The following FRK variants were observed in gnomAD, a reference collection of about 807,000 sequenced individuals.
The protein encoded by FRK is tyrosine-protein kinase FRK.
In FRK, 51 loss-of-function variants were observed where a neutral mutation model predicts 56.4. That is an observed-to-expected ratio of 0.90 (90% CI 0.72 to 1.14). The LOEUF is 1.14. FRK is among the 50% of genes most tolerant of loss of function. The probability of loss-of-function intolerance (pLI) is 0.00; values close to 1 mark genes in which losing one functional copy is unlikely to be tolerated. For missense variants in FRK, 570 were observed against 601.4 expected, an observed-to-expected ratio of 0.95 and a Z score of 0.55; for synonymous variants, 245 against 217.9, an observed-to-expected ratio of 1.12 and a Z score of -1.10.
At chr6:115,979,570 ATATT>A (rs1188983989) in intron 2 of FRK, among the ~76,000 whole-genome samples, 1 of 152,128 alleles carries the variant, frequency 6.6e-6, no homozygotes, top group Non-Finnish European at 1.5e-5. Flanking sequence ...TAACTGTACA[ATATT>A]TATCATAAAG....
chr6:116,058,638 C>A (rs1287791957), intron 1 of FRK, among the ~76,000 whole-genome samples: 1 of 151,962 alleles, frequency 6.6e-6, no homozygotes, highest in Non-Finnish European at 1.5e-5. Flanking sequence ...TGGCCGGGCG[C>A]GGTGGCTCAC....
At chr6:115,959,834 G>A (rs1278031447) in intron 4 of FRK, among the ~76,000 whole-genome samples, 1 of 152,112 alleles carries the variant, frequency 6.6e-6, no homozygotes, top group Non-Finnish European at 1.5e-5. Context: ...GCAGAGCCAG[G>A]TTTAAACACA....
the FRK span, among the ~76,000 whole-genome samples, chr6:116,099,167 C>T: frequency 6.6e-6 from 1 of 152,170 alleles, no homozygotes; most frequent in Non-Finnish European, 1.5e-5. Flanking sequence ...TCTCCCCTTA[C>T]CCCAAGTCAA....
chr6:115,946,920 G>A (rs1192254542), intron 5 of FRK, among the ~76,000 whole-genome samples: 2 of 152,118 alleles, frequency 1.3e-5, no homozygotes, highest in East Asian at 1.9e-4. Flanking sequence ...GGGATAGGAA[G>A]AGCAGTTTGA....
At chr6:116,046,598 A>G (rs185081624) in intron 1 of FRK, among the ~76,000 whole-genome samples, 2 of 152,026 alleles carry the variant, frequency 1.3e-5, no homozygotes, top group African/African-American at 4.8e-5. Context: ...ATGTGGACAC[A>G]GTGAGGGGAA....
At chr6:116,020,316 G>A (rs1381935986) in intron 1 of FRK, among the ~76,000 whole-genome samples, 5 of 150,308 alleles carry the variant, frequency 3.3e-5, no homozygotes, top group Non-Finnish European at 7.4e-5. Context: ...TTTTTTTTTG[G>A]AGTTTTGCTC....
At chr6:116,027,274 C>G (rs1776127133) in intron 1 of FRK, among the ~76,000 whole-genome samples, 1 of 152,068 alleles carries the variant, frequency 6.6e-6, no homozygotes, top group Non-Finnish European at 1.5e-5. Flanking sequence ...ACAGCCTTAA[C>G]AGAAAAGAGA....
intron 2 of FRK, among the ~76,000 whole-genome samples, chr6:115,976,535 ATT>A (rs1218208991): frequency 6.6e-6 from 1 of 152,120 alleles, no homozygotes; most frequent in Non-Finnish European, 1.5e-5. Context: ...GATTGTGCAG[ATT>A]TTTGTTTTTC....
At chr6:115,974,546 T>A (rs986558075) in intron 2 of FRK, among the ~76,000 whole-genome samples, 1 of 152,160 alleles carries the variant, frequency 6.6e-6, no homozygotes, top group Non-Finnish European at 1.5e-5. Context: ...TAAAATTTAA[T>A]TAGTATATAA....
chr6:116,062,743 G>A (rs1777669178), upstream of FRK, among the ~76,000 whole-genome samples: 2 of 152,194 alleles, frequency 1.3e-5, no homozygotes, highest in South Asian at 4.1e-4. Context: ...GGGGTGGAAA[G>A]AGAGAAGGTT....
At chr6:116,036,791 TAA>T (rs1239693391) in intron 1 of FRK, among the ~76,000 whole-genome samples, 2 of 152,146 alleles carry the variant, frequency 1.3e-5, no homozygotes, top group Admixed American at 1.3e-4. Flanking sequence ...AACTGTAAAT[TAA>T]ATGTACAGAT....
chr6:116,073,647 C>G, the FRK span, among the ~76,000 whole-genome samples: 1 of 152,136 alleles, frequency 6.6e-6, no homozygotes, highest in Non-Finnish European at 1.5e-5. Flanking sequence ...AAAACTCTCG[C>G]AAGAAGCCTC....
intron 1 of FRK, among the ~76,000 whole-genome samples, chr6:116,024,575 T>C (rs1776013211): frequency 6.6e-6 from 1 of 152,102 alleles, no homozygotes. Context: ...TTCATCCATG[T>C]CCCTACAAAG....
At chr6:115,970,053 T>C (rs1167030359) in intron 2 of FRK, among the ~76,000 whole-genome samples, 1 of 152,118 alleles carries the variant, frequency 6.6e-6, no homozygotes, top group African/African-American at 2.4e-5. Context: ...GTCAGGCTGG[T>C]GCAATGCTCT....
chr6:115,942,998 C>G, intron 7 of FRK, 22 bp downstream of exon 7: 1 of 1,600,016 alleles, frequency 6.2e-7, no homozygotes, highest in Non-Finnish European at 8.5e-7. Context: ...CAGAAAGGTC[C>G]ACTTCAGAAT....
chr6:116,009,513 A>G (rs1209997312), intron 1 of FRK, among the ~76,000 whole-genome samples: 2 of 152,242 alleles, frequency 1.3e-5, no homozygotes, highest in East Asian at 3.8e-4. Flanking sequence ...CATGCAAAAA[A>G]GTATCCAGTA....
chr6:115,968,548 A>G (rs748800854), intron 3 of FRK, 28 bp downstream of exon 3: 1 of 1,589,510 alleles, frequency 6.3e-7, no homozygotes, highest in Non-Finnish European at 8.6e-7. Context: ...AACTTCAATA[A>G]AAAAACACAG....
the FRK span, among the ~76,000 whole-genome samples, chr6:116,080,668 G>A: frequency 6.6e-6 from 1 of 152,044 alleles, no homozygotes; most frequent in Non-Finnish European, 1.5e-5. Context: ...AGAGAAAAAA[G>A]AAATAACCCA....
intron 1 of FRK, among the ~76,000 whole-genome samples, chr6:116,027,287 A>G (rs1009675288): frequency 6.6e-6 from 1 of 152,222 alleles, no homozygotes; most frequent in Non-Finnish European, 1.5e-5. Context: ...AAAAGAGACA[A>G]GACAGCATAA....
Sources: allele counts gnomAD v4.1 joint callset (sites outside exome capture counted in the v4.1 genomes callset), GRCh38; gene constraint gnomAD v4.1.1; transcripts MANE v1.5; gene names NCBI Gene and HGNC (gene_info 2026-07-23, HGNC 2026-07-21).